ZNF860: variants seen among roughly 807,000 people sequenced by gnomAD.
ZNF860 encodes zinc finger protein 860.
For missense variants in ZNF860, 641 were observed against 759.2 expected (o/e 0.84, Z 1.83); for synonymous variants, 206 against 248.9 (o/e 0.83, Z 1.62).
chr3:31,985,686 C>T (rs1483476867), intron 1 of ZNF860, among the ~76,000 whole-genome samples: 1 of 152,230 alleles, frequency 6.6e-6, no homozygotes, highest in Non-Finnish European at 1.5e-5. Context: ...AGAAAATTAT[C>T]ACAACCAGAT....
the ZNF860 span, among the ~76,000 whole-genome samples, chr3:31,998,848 C>G: frequency 6.6e-6 from 1 of 152,138 alleles, no homozygotes; most frequent in Non-Finnish European, 1.5e-5. Flanking sequence ...GGAGAGTTTC[C>G]AACTAAAACA....
chr3:31,990,706 T>C lies in ZNF860; in HGVS notation c.1627T>C (p.Cys543Arg), dbSNP rs751369382. 3.0e-5 allele frequency: 49 copies of C among 1,614,014 alleles called. No homozygotes were observed. The highest frequency in any genetic ancestry group is 1.5e-5 in the Non-Finnish European group (18 of 1,179,988). ...AGAGAAACCTTACAAATGTGAAGAATGTGACACAGTTTTCAGTCGCAAATC... is the reference window on the plus strand; with the variant it reads ...AGAGAAACCTTACAAATGTGAAGAACGTGACACAGTTTTCAGTCGCAAATC... ...TGEKPYKCEE[C>R]DTVFSRKSHH... The change falls in exon 2 of 2, where the codon TGT becomes CGT. Residue 543 changes from cysteine (C) to arginine (R), a missense_variant. Physicochemically the swap from Cys to Arg is radical, Grantham distance 180. Transcript: ENST00000360311.
intron 1 of ZNF860, among the ~76,000 whole-genome samples, chr3:31,984,985 T>G (rs1319497260): frequency 6.6e-6 from 1 of 152,206 alleles, no homozygotes; most frequent in Non-Finnish European, 1.5e-5. Context: ...AAGCCTGTAA[T>G]CCCAGCACTT....
chr3:32,001,200 A>G, the ZNF860 span, among the ~76,000 whole-genome samples: 9 of 152,168 alleles, frequency 5.9e-5, no homozygotes, highest in African/African-American at 1.4e-4. Flanking sequence ...GCAACCAAGC[A>G]GCGATGCCTA....
intron 1 of ZNF860, among the ~76,000 whole-genome samples, chr3:31,983,225 A>G (rs559683239): frequency 6.6e-6 from 1 of 152,360 alleles, no homozygotes; most frequent in East Asian, 1.9e-4. Flanking sequence ...GCATTGACAT[A>G]CAGACTGAAG....
At chr3:31,996,354 C>A (rs1184907560), downstream of ZNF860, among the ~76,000 whole-genome samples, 1 of 152,114 alleles carries the variant, frequency 6.6e-6, no homozygotes, top group Non-Finnish European at 1.5e-5. Context: ...TCTCTAAACT[C>A]TCCCCCCCGT....
chr3:31,995,729 T>C (rs1292391007), downstream of ZNF860, among the ~76,000 whole-genome samples: 2 of 152,224 alleles, frequency 1.3e-5, no homozygotes, highest in Non-Finnish European at 2.9e-5. Context: ...TAAATGTCCA[T>C]GAAATCTTCA....
the ZNF860 span, among the ~76,000 whole-genome samples, chr3:32,002,718 A>C: frequency 6.6e-6 from 1 of 152,366 alleles, no homozygotes; most frequent in Admixed American, 6.5e-5. Context: ...AAGGTTTCTC[A>C]GTGAGTCAGA....
chr3:31,991,113 C>G lies in ZNF860; in HGVS notation c.*135C>G. On this transcript the variant is annotated 3_prime_UTR_variant, in exon 2 of 2. Coordinates refer to ENST00000360311, the MANE Select transcript of ZNF860 (RefSeq NM_001137674.3). ...TTGACTTGAGTTTCAGTTGACTTGA[C>G]ATTGAGTTCAAGCATTAATTGACAT... 1 of 880,320 alleles carries G rather than the reference C, an allele frequency of 1.1e-6. No individual in the cohort carries two copies. The highest frequency in any genetic ancestry group is 2.8e-5 in the Admixed American group (1 of 36,242). 54.5% of individuals were successfully genotyped at this position (880,320 alleles called of 1,614,324 possible). A position where few individuals can be genotyped will look rare whatever the true frequency, so the allele number is the denominator to read the frequency against.
At chr3:31,983,244 G>A (rs1218105136) in intron 1 of ZNF860, among the ~76,000 whole-genome samples, 1 of 152,210 alleles carries the variant, frequency 6.6e-6, no homozygotes, top group African/African-American at 2.4e-5. Flanking sequence ...AGGTGGGAAG[G>A]TAGGTGCATA....
At chr3:32,000,638 G>C in the ZNF860 span, among the ~76,000 whole-genome samples, 1 of 152,176 alleles carries the variant, frequency 6.6e-6, no homozygotes, top group African/African-American at 2.4e-5. Flanking sequence ...GCCCTTCCTC[G>C]TGACGGTTGT....
chr3:31,989,513 A>T lies in ZNF860; in HGVS notation c.434A>T (p.His145Leu), dbSNP rs1390357444. ...AGCACCGACAGATATGATCGAAGGC[A>T]TCCTGGAAACAAGCCTATCAAAGAT... ...TGSTDRYDRR[H>L]PGNKPIKDQL... The change falls in exon 2 of 2, where the codon CAT becomes CTT. Residue 145 changes from histidine (H) to leucine (L), a missense_variant. His to Leu is a moderately conservative substitution (Grantham distance 99, BLOSUM62 -3). Coordinates refer to ENST00000360311, the MANE Select transcript of ZNF860 (RefSeq NM_001137674.3). 1 of 1,614,088 alleles carries T rather than the reference A, an allele frequency of 6.2e-7. No homozygotes were observed. Among genetic ancestry groups the T allele is most frequent in the East Asian group, 2.2e-5 (1 of 44,900 alleles).
rs1698990089 is a variant in ZNF860 at position 31,989,348 on chromosome 3, A to G, written c.269A>G (p.Glu90Gly). Reference protein sequence around the residue: ...GNTEVDTGTLERHESHHIGDF... With the variant: ...GNTEVDTGTLGRHESHHIGDF... ...ACAGAAGTGGACACAGGGACATTAG[A>G]AAGACATGAAAGTCATCACATTGGA... The change falls in exon 2 of 2, where the codon GAA becomes GGA. Residue 90 changes from glutamate to glycine, a missense_variant. Transcript: ENST00000360311. 1 of 1,614,118 alleles carries G rather than the reference A, an allele frequency of 6.2e-7. No individual in the cohort carries two copies. Among genetic ancestry groups the G allele is most frequent in the Non-Finnish European group, 8.5e-7 (1 of 1,180,038 alleles).
the ZNF860 span, among the ~76,000 whole-genome samples, chr3:32,004,456 A>G: frequency 6.6e-6 from 1 of 152,214 alleles, no homozygotes; most frequent in Non-Finnish European, 1.5e-5. Context: ...GTTAAGCACT[A>G]GAAGAGAAGA....
At chr3:31,999,481 C>T in the ZNF860 span, among the ~76,000 whole-genome samples, 2 of 151,762 alleles carry the variant, frequency 1.3e-5, no homozygotes, top group Non-Finnish European at 1.5e-5. Flanking sequence ...CTGCCTCAGC[C>T]TCCTGAGTAG....
intron 1 of ZNF860, among the ~76,000 whole-genome samples, chr3:31,987,527 G>A (rs1245082606): frequency 6.6e-6 from 1 of 152,236 alleles, no homozygotes; most frequent in Non-Finnish European, 1.5e-5. Flanking sequence ...CGGAAAGTCT[G>A]AACCAATGTT....
In ZNF860 at chr3:31,989,564, A is replaced by C. The variant is rs750571902; in HGVS notation, c.485A>C (p.His162Pro). Residue 162 changes from histidine (H) to proline (P), a missense_variant, in exon 2 of 2, where the codon CAT becomes CCT. By Grantham distance (77) the His-to-Pro change is moderately conservative. Coordinates refer to ENST00000360311, the MANE Select transcript of ZNF860 (RefSeq NM_001137674.3). ...KDQLGLSFHS[H>P]LPELHIFQTK... ...CAGCTTGGATTAAGCTTTCATTCGC[A>C]TCTTCCTGAACTCCACATATTTCAG... The C allele has an allele frequency of 5.0e-6, 8 of 1,614,096 alleles. No individual in the cohort carries two copies. The highest frequency in any genetic ancestry group is 6.8e-6 in the Non-Finnish European group (8 of 1,180,028).
chr3:31,982,819 G>C (rs984776777), intron 1 of ZNF860, among the ~76,000 whole-genome samples: 9 of 152,184 alleles, frequency 5.9e-5, no homozygotes, highest in African/African-American at 2.2e-4. Flanking sequence ...ATGTTCATTT[G>C]TTCAAAATAT....
the ZNF860 span, among the ~76,000 whole-genome samples, chr3:32,001,887 A>AT: frequency 1.3e-5 from 2 of 152,230 alleles, no homozygotes; most frequent in East Asian, 1.9e-4. Context: ...CTCTTGGACA[A>AT]TTTTTTTCTG....
Sources: gnomAD v4.1 joint callset for allele counts (sites outside exome capture counted in the v4.1 genomes callset) on GRCh38, gnomAD v4.1.1 for gene constraint, MANE v1.5 for transcripts, NCBI Gene and HGNC (gene_info 2026-07-23, HGNC 2026-07-21) for gene names.